Variants in MTHFD2L observed in about 807,000 individuals in gnomAD.
MTHFD2L encodes methylenetetrahydrofolate dehydrogenase (NADP+ dependent) 2 like.
MTHFD2L carries 29 observed loss-of-function variants against 34.9 expected under a neutral mutation model. That is an observed-to-expected ratio of 0.83 (90% CI 0.62 to 1.13). The LOEUF is 1.13. Among genes scored for constraint, MTHFD2L ranks in the 50% most tolerant of loss-of-function variants. The pLI, the probability that MTHFD2L is intolerant of heterozygous loss-of-function variation, is 0.00. For synonymous variants in MTHFD2L, 167 were observed against 155.7 expected, an observed-to-expected ratio of 1.07 and a Z score of -0.54; for missense variants, 481 against 446.5, an observed-to-expected ratio of 1.08 and a Z score of -0.70.
intron 3 of MTHFD2L, among the ~76,000 whole-genome samples, chr4:74,182,447 C>T (rs990318962): frequency 6.6e-6 from 1 of 152,160 alleles, no homozygotes; most frequent in Non-Finnish European, 1.5e-5. Flanking sequence ...ATACAGGCCA[C>T]GTTAGGAATG....
At chr4:74,275,277 C>T (rs188048863) in intron 6 of MTHFD2L, among the ~76,000 whole-genome samples, 18 of 152,248 alleles carry the variant, frequency 1.2e-4, no homozygotes, top group Non-Finnish European at 2.2e-4. Context: ...GACATGATCT[C>T]GTTCCCTTTT....
At chr4:74,207,763 G>T (rs888656400) in intron 5 of MTHFD2L, among the ~76,000 whole-genome samples, 10 of 97,816 alleles carry the variant, frequency 1.0e-4, no homozygotes, top group East Asian at 2.8e-4. Context: ...TTGTGAAAAA[G>T]AACTTTTTTT....
intron 1 of MTHFD2L, among the ~76,000 whole-genome samples, chr4:74,145,067 G>A (rs543241030): frequency 2.0e-5 from 3 of 151,028 alleles, no homozygotes; most frequent in Non-Finnish European, 2.9e-5. Flanking sequence ...AGAATATATC[G>A]ATATAATCTT....
intron 3 of MTHFD2L, chr4:74,194,706 G>T (rs146648807): frequency 6.6e-6 from 1 of 152,246 alleles, no homozygotes; most frequent in Admixed American, 6.5e-5. Context: ...TAAACCAATC[G>T]TGGCCCACAC....
intron 6 of MTHFD2L, among the ~76,000 whole-genome samples, chr4:74,252,185 TAC>T (rs1011693265): frequency 2.0e-4 from 30 of 152,362 alleles, no homozygotes; most frequent in African/African-American, 6.5e-4. Flanking sequence ...GCAAATTTTA[TAC>T]AGTTATGGGA....
chr4:74,225,970 G>C (rs1739091715), intron 6 of MTHFD2L, among the ~76,000 whole-genome samples: 1 of 151,932 alleles, frequency 6.6e-6, no homozygotes, highest in Non-Finnish European at 1.5e-5. Flanking sequence ...TGGTCTGGAA[G>C]AAAGTATGAC....
chr4:74,281,684 G>T (rs1348749191), intron 7 of MTHFD2L, 134 bp downstream of exon 7: 12 of 861,414 alleles, frequency 1.4e-5, no homozygotes, highest in Non-Finnish European at 1.9e-5. Context: ...TGAGGGAAAA[G>T]ATTTTAATCA....
At chr4:74,223,262 T>C (rs12500697) in intron 5 of MTHFD2L, among the ~76,000 whole-genome samples, 2 of 151,312 alleles carry the variant, frequency 1.3e-5, no homozygotes, top group South Asian at 2.1e-4. Flanking sequence ...CACACACACA[T>C]ACACACACCA....
At chr4:74,242,647 C>G (rs1050823404) in intron 6 of MTHFD2L, among the ~76,000 whole-genome samples, 2 of 152,160 alleles carry the variant, frequency 1.3e-5, no homozygotes, top group African/African-American at 4.8e-5. Flanking sequence ...ATTCTTTATT[C>G]TGTTTTTGGC....
chr4:74,178,744 ATGGCACTT>A (rs1729531268), intron 3 of MTHFD2L, among the ~76,000 whole-genome samples: 1 of 152,120 alleles, frequency 6.6e-6, no homozygotes, highest in South Asian at 2.1e-4. Context: ...TATATTACAA[ATGGCACTT>A]TGTATTTATT....
intron 5 of MTHFD2L, among the ~76,000 whole-genome samples, chr4:74,204,855 A>T (rs1735028841): frequency 6.6e-6 from 1 of 152,330 alleles, no homozygotes; most frequent in Admixed American, 6.5e-5. Flanking sequence ...CATGAGAAAG[A>T]TAAACACAAA....
intron 3 of MTHFD2L, chr4:74,183,171 T>C (rs995947625): frequency 6.6e-6 from 1 of 152,086 alleles, no homozygotes; most frequent in Non-Finnish European, 1.5e-5. Flanking sequence ...AGAATATTTA[T>C]TGATAGAAAC....
chr4:74,163,536 T>G (rs1219735169), intron 1 of MTHFD2L, among the ~76,000 whole-genome samples: 1 of 152,244 alleles, frequency 6.6e-6, no homozygotes, highest in Non-Finnish European at 1.5e-5. Context: ...GTATTTTACT[T>G]TTTATTGATT....
At chr4:74,211,777 A>G (rs1736367377) in intron 5 of MTHFD2L, among the ~76,000 whole-genome samples, 1 of 150,962 alleles carries the variant, frequency 6.6e-6, no homozygotes, top group Admixed American at 6.6e-5. Flanking sequence ...TGCTCTTTGT[A>G]CTTATGGTAG....
intron 6 of MTHFD2L, among the ~76,000 whole-genome samples, chr4:74,240,002 G>T (rs1195720420): frequency 6.6e-6 from 1 of 152,110 alleles, no homozygotes; most frequent in Non-Finnish European, 1.5e-5. Context: ...CATATCAAAA[G>T]GAGTGAGAAT....
chr4:74,170,548 A>G (rs1272383844), intron 1 of MTHFD2L, among the ~76,000 whole-genome samples: 1 of 152,224 alleles, frequency 6.6e-6, no homozygotes, highest in African/African-American at 2.4e-5. Context: ...TTTCTTTTAT[A>G]CAACACTAAA....
chr4:74,122,979 A>C, upstream of MTHFD2L, among the ~76,000 whole-genome samples: 1 of 152,310 alleles, frequency 6.6e-6, no homozygotes, highest in Middle Eastern at 3.4e-3. Flanking sequence ...TTTCCATATA[A>C]GTTTTAAGTT....
chr4:74,237,641 C>T (rs1276691956), intron 6 of MTHFD2L, among the ~76,000 whole-genome samples: 1 of 152,148 alleles, frequency 6.6e-6, no homozygotes, highest in African/African-American at 2.4e-5. Flanking sequence ...AAGTGCTTAT[C>T]TTGATCTTGG....
intron 1 of MTHFD2L, among the ~76,000 whole-genome samples, chr4:74,136,779 T>C (rs1162765309): frequency 6.6e-6 from 1 of 151,934 alleles, no homozygotes; most frequent in East Asian, 1.9e-4. Context: ...AACAGACAGA[T>C]AAATAAAACA....
Sources: allele counts gnomAD v4.1 joint callset (sites outside exome capture counted in the v4.1 genomes callset), GRCh38; gene constraint gnomAD v4.1.1; transcripts MANE v1.5; gene names NCBI Gene and HGNC (gene_info 2026-07-23, HGNC 2026-07-21).